The following SAV1 variants were observed in gnomAD, a reference collection of about 807,000 sequenced individuals.
SAV1 encodes protein salvador homolog 1.
A neutral mutation model predicts 47.3 loss-of-function variants in SAV1; 23 were observed. The observed-to-expected ratio is 0.49, with a 90% CI of 0.35 to 0.69. The LOEUF (loss-of-function observed/expected upper bound fraction) is 0.69, where lower values mean the gene tolerates loss of function less well. Ranked by LOEUF, SAV1 falls within the 30% of genes least tolerant of loss-of-function variation. SAV1 has a pLI of 0.01. For synonymous variants in SAV1, 155 were observed against 159.2 expected, an observed-to-expected ratio of 0.97 and a Z score of 0.20; for missense variants, 448 against 457.4, an observed-to-expected ratio of 0.98 and a Z score of 0.19.
chr14:50,642,105 G>A (rs564786906), intron 3 of SAV1, among the ~76,000 whole-genome samples: 21 of 152,186 alleles, frequency 1.4e-4, no homozygotes, highest in African/African-American at 4.1e-4. Flanking sequence ...AATTAATGCA[G>A]GAAGAGAAAA....
At position 50,643,585 on chromosome 14, in the gene SAV1, A is replaced by G. The variant is rs116177363; in HGVS notation, c.806+1159T>C. On this transcript the variant is annotated intron_variant, in intron 3 of 4. Transcript: ENST00000324679. ...AGATGAGATTTGGGTGAGGACACAGAGCCAAACCATGTCAACGAACAGAAA... is the reference window on the plus strand; with the variant it reads ...AGATGAGATTTGGGTGAGGACACAGGGCCAAACCATGTCAACGAACAGAAA... 2.5e-3 allele frequency among the ~76,000 whole-genome samples: 375 copies of G among 152,348 alleles called. 1 individual carries two copies. Among genetic ancestry groups the G allele is most frequent in the African/African-American group, 8.6e-3 (358 of 41,582 alleles).
intron 2 of SAV1, among the ~76,000 whole-genome samples, chr14:50,648,080 C>T (rs372441809): frequency 1.3e-5 from 2 of 152,156 alleles, no homozygotes; most frequent in East Asian, 1.9e-4. Flanking sequence ...AACTGTGGTG[C>T]AACTGTACAG....
rs369798386 is a variant in SAV1, at chr14:50,635,152, C to G, written c.*31G>C. ...TTATCTGTGAAAATATTTTAAAGCT[C>G]TTACAAAACTTAAATTTTTAAAAAA... On this transcript the variant is annotated 3_prime_UTR_variant, in exon 5 of 5. Transcript: ENST00000324679. The G allele has an allele frequency of 4.5e-6, 7 of 1,557,798 alleles. No homozygotes were observed. The highest frequency in any genetic ancestry group is 1.7e-4 in the Middle Eastern group (1 of 5,854).
rs1395862629 is a variant in SAV1, at chr14:50,640,623, C to T, written c.950+127G>A. On this transcript the variant is annotated intron_variant, in intron 4 of 4. Coordinates refer to ENST00000324679, the MANE Select transcript of SAV1 (RefSeq NM_021818.4). Reference sequence around the variant, plus strand: ...ACTATGACATCCTTTATTCAAGTCACGTATTACTTAGAAGCCGAATATTAT... The same window carrying T: ...ACTATGACATCCTTTATTCAAGTCATGTATTACTTAGAAGCCGAATATTAT... 15 of 643,222 alleles carry T rather than the reference C, an allele frequency of 2.3e-5. No individual in the cohort carries two copies. The East Asian group carries it at 2.4e-4, about 10-fold the overall frequency. 39.8% of individuals were successfully genotyped at this position (643,222 alleles called of 1,614,324 possible).
chr14:50,635,158 A>G lies in SAV1; in HGVS notation c.*25T>C, dbSNP rs758227591. On this transcript the variant is annotated 3_prime_UTR_variant, in exon 5 of 5. Transcript: ENST00000324679. ...GTGAAAATATTTTAAAGCTCTTACA[A>G]AACTTAAATTTTTAAAAAATCAGCT... 1 of 1,593,004 alleles carries G rather than the reference A, an allele frequency of 6.3e-7. No homozygotes were observed. The highest frequency in any genetic ancestry group is 8.6e-7 in the Non-Finnish European group (1 of 1,162,850).
chr14:50,666,961 T>C (rs1445259590), intron 1 of SAV1, among the ~76,000 whole-genome samples: 1 of 152,108 alleles, frequency 6.6e-6, no homozygotes, highest in Non-Finnish European at 1.5e-5. Flanking sequence ...GAAACCTAAC[T>C]TTCCCAATTA....
intron 4 of SAV1, 119 bp downstream of exon 4, chr14:50,640,630 CT>C (rs2140248894): frequency 1.3e-6 from 1 of 777,188 alleles, no homozygotes; most frequent in Non-Finnish European, 1.9e-6. Context: ...TCACGTATTA[CT>C]TAGAAGCCGA....
At chr14:50,660,244 T>C (rs2039847233) in intron 2 of SAV1, among the ~76,000 whole-genome samples, 1 of 152,178 alleles carries the variant, frequency 6.6e-6, no homozygotes. Flanking sequence ...CCCTATGATC[T>C]CATACCAGTC....
intron 2 of SAV1, among the ~76,000 whole-genome samples, chr14:50,659,586 T>C (rs2039841749): frequency 6.6e-6 from 1 of 152,220 alleles, no homozygotes; most frequent in Non-Finnish European, 1.5e-5. Flanking sequence ...CTGCGGCACA[T>C]GCCTGTAATC....
At chr14:50,662,217 G>A (rs575346625) in intron 2 of SAV1, among the ~76,000 whole-genome samples, 1 of 152,172 alleles carries the variant, frequency 6.6e-6, no homozygotes, top group Admixed American at 6.5e-5. Flanking sequence ...TGCCCAGGCT[G>A]GAGTGCAGTG....
chr14:50,645,397 C>T (rs1283079186), intron 2 of SAV1, among the ~76,000 whole-genome samples: 1 of 152,110 alleles, frequency 6.6e-6, no homozygotes, highest in Non-Finnish European at 1.5e-5. Context: ...TGTGATGAGT[C>T]ATAGTCAAAA....
chr14:50,657,265 C>A (rs2039821027), intron 2 of SAV1, among the ~76,000 whole-genome samples: 1 of 152,084 alleles, frequency 6.6e-6, no homozygotes, highest in Admixed American at 6.6e-5. Context: ...GAACTCCTGA[C>A]CTTGTGATCC....
intron 3 of SAV1, among the ~76,000 whole-genome samples, chr14:50,642,457 C>A: frequency 6.6e-6 from 1 of 151,146 alleles, no homozygotes; most frequent in East Asian, 1.9e-4. Context: ...CCACTGCACT[C>A]CAGCCTTGGC....
intron 2 of SAV1, among the ~76,000 whole-genome samples, chr14:50,660,236 C>G (rs910022224): frequency 2.0e-5 from 3 of 152,202 alleles, no homozygotes; most frequent in African/African-American, 4.8e-5. Flanking sequence ...ATTGATAACC[C>G]TATGATCTCA....
At chr14:50,654,922 G>GGATGCAAGAACAAAAACA (rs1382406225) in intron 2 of SAV1, among the ~76,000 whole-genome samples, 1 of 152,124 alleles carries the variant, frequency 6.6e-6, no homozygotes, top group Non-Finnish European at 1.5e-5. Context: ...CTGGCAAAAA[G>GGATGCAAGAACAAAAACA]GATGCAAGAA....
chr14:50,667,591 A>G (rs1337014453), intron 1 of SAV1: 10 of 498,648 alleles, frequency 2.0e-5, no homozygotes, highest in Non-Finnish European at 3.7e-5. Context: ...TCTCTCTTCC[A>G]GTAATCAAAA....
intron 1 of SAV1, among the ~76,000 whole-genome samples, chr14:50,665,997 T>C (rs1458740441): frequency 6.6e-6 from 1 of 152,232 alleles, no homozygotes; most frequent in Non-Finnish European, 1.5e-5. Flanking sequence ...TAGTTTCTAG[T>C]TAAGTAGTTT....
chr14:50,667,448 A>G (rs1412775349), intron 1 of SAV1: 1 of 456,620 alleles, frequency 2.2e-6, no homozygotes, highest in East Asian at 6.9e-5. Flanking sequence ...AACTTGCAGC[A>G]CAGTCGAGAG....
chr14:50,634,621 G>A lies in SAV1; in HGVS notation c.*562C>T, dbSNP rs1440928210. Reference sequence around the variant, plus strand: ...CCACCTCGGCCTCCCAAAATGCTGGGATTACAGGAGTGAGCCACCACGCCC... The same window carrying A: ...CCACCTCGGCCTCCCAAAATGCTGGAATTACAGGAGTGAGCCACCACGCCC... On this transcript the variant is annotated 3_prime_UTR_variant, in exon 5 of 5. Coordinates refer to ENST00000324679, the MANE Select transcript of SAV1 (RefSeq NM_021818.4). 3 of 157,890 alleles carry A rather than the reference G, an allele frequency of 1.9e-5. No individual in the cohort carries two copies. The highest frequency in any genetic ancestry group is 1.9e-4 in the Admixed American group (3 of 15,916). 9.8% of individuals were successfully genotyped at this position (157,890 alleles called of 1,614,324 possible).
Sources: allele counts gnomAD v4.1 joint callset (sites outside exome capture counted in the v4.1 genomes callset), GRCh38; gene constraint gnomAD v4.1.1; transcripts MANE v1.5; gene names NCBI Gene and HGNC (gene_info 2026-07-23, HGNC 2026-07-21).